The following FARS2 variants were observed in gnomAD, a reference collection of about 807,000 sequenced individuals.
FARS2 encodes phenylalanyl-tRNA synthetase 2, mitochondrial.
A neutral mutation model predicts 46.4 loss-of-function variants in FARS2; 40 were observed. That is an observed-to-expected ratio of 0.86 (90% CI 0.67 to 1.12). The LOEUF is 1.12. Ranked by LOEUF, FARS2 falls within the 50% of genes most tolerant of loss-of-function variation. The pLI, the probability that FARS2 is intolerant of heterozygous loss-of-function variation, is 0.00. For missense variants in FARS2, 513 were observed against 567.9 expected (o/e 0.90, Z 0.98); for synonymous variants, 234 against 214.9 (o/e 1.09, Z -0.78).
intron 2 of FARS2, among the ~76,000 whole-genome samples, chr6:5,373,787 G>T (rs528183496): frequency 6.6e-6 from 1 of 151,892 alleles, no homozygotes; most frequent in Non-Finnish European, 1.5e-5. Flanking sequence ...CTTGAGAAGC[G>T]CTGCTCTATG....
At chr6:5,416,199 C>T (rs189669220) in intron 3 of FARS2, among the ~76,000 whole-genome samples, 14 of 152,244 alleles carry the variant, frequency 9.2e-5, no homozygotes, top group East Asian at 5.8e-4. Context: ...TATTGTTTCT[C>T]GGACATCTTT....
intron 5 of FARS2, among the ~76,000 whole-genome samples, chr6:5,567,717 A>G (rs192096786): frequency 7.2e-5 from 11 of 152,380 alleles, no homozygotes; most frequent in Non-Finnish European, 1.6e-4. Flanking sequence ...TTATGCATAT[A>G]TACGACATAC....
chr6:5,501,194 C>T (rs1157950500), intron 4 of FARS2, among the ~76,000 whole-genome samples: 2 of 151,840 alleles, frequency 1.3e-5, no homozygotes, highest in Admixed American at 6.6e-5. Flanking sequence ...TAAGTAGTAT[C>T]GGTATACCTC....
rs1561970178 is a variant in FARS2, at chr6:5,341,235, A to ATATTTTTT, written c.-21-27314_-21-27313insATTTTTTT. Among the ~76,000 whole-genome samples, 5 of 10,274 alleles carry ATATTTTTT rather than the reference A, an allele frequency of 4.9e-4. 1 individual carries two copies. The highest frequency in any genetic ancestry group is 4.0e-4 in the Non-Finnish European group (2 of 5,036). The allele number at this position is 10,274 out of a possible 152,430, so 6.7% of individuals were successfully genotyped here. On this transcript the variant is annotated intron_variant, in intron 1 of 6. Coordinates refer to ENST00000274680, the MANE Select transcript of FARS2 (RefSeq NM_006567.5). ...TATATATATATATATATATATATAT[A>ATATTTTTT]TTTTTTTTTTTTTTTTTTTTTTCCC...
chr6:5,539,120 G>A (rs992610208), intron 4 of FARS2, among the ~76,000 whole-genome samples: 17 of 152,054 alleles, frequency 1.1e-4, no homozygotes, highest in Non-Finnish European at 1.9e-4. Flanking sequence ...CTGGAGTCAC[G>A]CATATCCCCA....
intron 6 of FARS2, among the ~76,000 whole-genome samples, chr6:5,640,525 A>T (rs1336784756): frequency 6.6e-6 from 1 of 152,226 alleles, no homozygotes; most frequent in Non-Finnish European, 1.5e-5. Flanking sequence ...ACTGAGGAAG[A>T]AAAAGAAACA....
chr6:5,579,487 T>TCG (rs1166139627), intron 5 of FARS2, among the ~76,000 whole-genome samples: 2 of 152,202 alleles, frequency 1.3e-5, no homozygotes, highest in Admixed American at 6.5e-5. Context: ...TTGGCCAGGC[T>TCG]GGTCTCGAAC....
At chr6:5,584,241 A>G (rs1007491006) in intron 5 of FARS2, among the ~76,000 whole-genome samples, 7 of 151,992 alleles carry the variant, frequency 4.6e-5, no homozygotes, top group African/African-American at 1.5e-4. Flanking sequence ...GCCTGTCAGA[A>G]TTCTACACTC....
chr6:5,456,234 AAAT>A (rs1173110530), intron 4 of FARS2, among the ~76,000 whole-genome samples: 1 of 150,244 alleles, frequency 6.7e-6, no homozygotes, highest in African/African-American at 2.5e-5. Context: ...AAAAAGCAAA[AAAT>A]AAACAAATAT....
chr6:5,522,069 C>T (rs564106463), intron 4 of FARS2, among the ~76,000 whole-genome samples: 2 of 152,194 alleles, frequency 1.3e-5, no homozygotes, highest in Admixed American at 1.3e-4. Flanking sequence ...ATAGTCTAGG[C>T]CGCTTCTGTG....
In FARS2 at chr6:5,369,164, G is replaced by T. The variant is rs576830597; in HGVS notation, c.594G>T (p.Arg198=). ...TTTTCCACCAGCTGGAGGCCGTGCG[G>T]CTCTTCTCCAAGCATGAGGTGAGTC... ...YPIFHQLEAV[R]LFSKHELFAG... is the part of the protein sequence containing the mutation. Residue 198 remains arginine, a synonymous_variant, in exon 2 of 7, where the codon CGG becomes CGT. Coordinates refer to ENST00000274680, the MANE Select transcript of FARS2 (RefSeq NM_006567.5). 3 of 1,607,770 alleles carry T rather than the reference G, an allele frequency of 1.9e-6. No individual in the cohort carries two copies. Among genetic ancestry groups the T allele is most frequent in the East Asian group, 4.5e-5 (2 of 44,858 alleles).
intron 2 of FARS2, among the ~76,000 whole-genome samples, chr6:5,383,847 T>G (rs1362992924): frequency 6.6e-6 from 1 of 152,148 alleles, no homozygotes; most frequent in African/African-American, 2.4e-5. Context: ...CACCTTCCTA[T>G]AGAACAGGTG....
At chr6:5,265,825 G>A (rs754390376) in intron 1 of FARS2, among the ~76,000 whole-genome samples, 5 of 152,214 alleles carry the variant, frequency 3.3e-5, no homozygotes, top group African/African-American at 4.8e-5. Flanking sequence ...CTGCTGAAGC[G>A]TTGTGGGGTC....
intron 4 of FARS2, among the ~76,000 whole-genome samples, chr6:5,432,328 A>ATGTG (rs1562036380): frequency 3.1e-5 from 1 of 32,686 alleles, no homozygotes; most frequent in African/African-American, 7.1e-5. Flanking sequence ...AAAAAAAAAA[A>ATGTG]TATATATATA....
At chr6:5,365,803 T>G (rs1023140530) in intron 1 of FARS2, among the ~76,000 whole-genome samples, 3 of 152,220 alleles carry the variant, frequency 2.0e-5, no homozygotes, top group African/African-American at 7.2e-5. Flanking sequence ...ATATTTTGTA[T>G]GTTATAGGCA....
At chr6:5,606,341 G>A (rs537082132) in intron 5 of FARS2, among the ~76,000 whole-genome samples, 118 of 151,956 alleles carry the variant, frequency 7.8e-4, no homozygotes, top group African/African-American at 2.7e-3. Context: ...CAGCAGACTC[G>A]TCACCATTGC....
chr6:5,467,079 A>G, intron 4 of FARS2: 1 of 985,308 alleles, frequency 1.0e-6, no homozygotes, highest in Non-Finnish European at 1.2e-6. Flanking sequence ...TGTAAGTTGA[A>G]TAGTCACTTC....
chr6:5,302,611 A>G (rs9392670), intron 1 of FARS2, among the ~76,000 whole-genome samples: 64,278 of 152,086 alleles, frequency 0.42, 15,394 homozygotes, highest in East Asian at 0.7. Flanking sequence ...TGAGGCACAG[A>G]GAAGTTAAGT....
intron 6 of FARS2, among the ~76,000 whole-genome samples, chr6:5,623,389 C>G (rs888646577): frequency 2.6e-5 from 4 of 152,026 alleles, no homozygotes; most frequent in African/African-American, 9.7e-5. Flanking sequence ...CATGTTATTC[C>G]TGCAATTTAA....
Sources: allele counts gnomAD v4.1 joint callset (sites outside exome capture counted in the v4.1 genomes callset), GRCh38; gene constraint gnomAD v4.1.1; transcripts MANE v1.5; gene names NCBI Gene and HGNC (gene_info 2026-07-23, HGNC 2026-07-21).